Variants in BAALC observed in about 807,000 individuals in gnomAD.
The protein encoded by BAALC is BAALC binder of MAP3K1 and KLF4.
Under a neutral mutation model 15.5 loss-of-function variants are expected in BAALC, and 9 were observed. The ratio of observed to expected loss-of-function variants is 0.58; its 90% CI spans 0.35 to 1.02. The LOEUF (loss-of-function observed/expected upper bound fraction) is 1.02. Ranked by LOEUF, BAALC falls within the 50% of genes least tolerant of loss-of-function variation. The pLI, the probability that BAALC is intolerant of heterozygous loss-of-function variation, is 0.02. For synonymous variants in BAALC, 80 were observed against 74.6 expected (o/e 1.07, Z -0.37); for missense variants, 201 against 192.4 (o/e 1.04, Z -0.27).
At chr8:103,213,256 A>C in intron 2 of BAALC, 171 bp downstream of exon 2, 2 of 660,552 alleles carry the variant, frequency 3.0e-6, no homozygotes, top group Non-Finnish European at 2.4e-6. Flanking sequence ...CCACCCCAAA[A>C]CCCTGCCTTG....
chr8:103,184,060 T>C (rs1811783817), intron 1 of BAALC, among the ~76,000 whole-genome samples: 2 of 152,234 alleles, frequency 1.3e-5, no homozygotes, highest in African/African-American at 4.8e-5. Flanking sequence ...GCAGCCTGCA[T>C]GCCTTTGTTC....
intron 1 of BAALC, among the ~76,000 whole-genome samples, chr8:103,144,558 G>A (rs1810842253): frequency 6.6e-6 from 1 of 152,126 alleles, no homozygotes; most frequent in Non-Finnish European, 1.5e-5. Flanking sequence ...AAGTCTCTGA[G>A]GTTGCCATGA....
At chr8:103,162,883 C>T (rs991020559) in intron 1 of BAALC, among the ~76,000 whole-genome samples, 3 of 152,124 alleles carry the variant, frequency 2.0e-5, no homozygotes, top group African/African-American at 7.2e-5. Flanking sequence ...GCATAGCAAA[C>T]CTTTTGAGCA....
intron 1 of BAALC, among the ~76,000 whole-genome samples, chr8:103,185,574 G>T (rs1811816517): frequency 6.6e-6 from 1 of 152,194 alleles, no homozygotes; most frequent in Non-Finnish European, 1.5e-5. Flanking sequence ...AGACATCAGT[G>T]CTTCAGAGTA....
At chr8:103,220,919 T>A (rs1316403266) in intron 2 of BAALC, among the ~76,000 whole-genome samples, 1 of 152,224 alleles carries the variant, frequency 6.6e-6, no homozygotes, top group Non-Finnish European at 1.5e-5. Flanking sequence ...TGCAAAGAAC[T>A]ATGAAAAGGT....
At chr8:103,203,241 A>G (rs1296420083) in intron 1 of BAALC, among the ~76,000 whole-genome samples, 1 of 152,170 alleles carries the variant, frequency 6.6e-6, no homozygotes, top group Non-Finnish European at 1.5e-5. Context: ...TGGTCTTTCA[A>G]TATCTTCCTA....
rs141708683 is a variant in BAALC, at chr8:103,196,198, G to A, written c.161-16721G>A. On this transcript the variant is annotated intron_variant, in intron 1 of 2. Transcript: ENST00000309982. The stretch of plus-strand genomic sequence containing the variant: ...CAAAGAGCCTTGCAGGGCACATAGG[G>A]ATCGGTATGTCTATCCCTTAGGTCA... Among the ~76,000 whole-genome samples, 261 of 152,304 alleles carry A rather than the reference G, an allele frequency of 1.7e-3. 2 individuals carry two copies. The highest frequency in any genetic ancestry group is 6.1e-3 in the African/African-American group (254 of 41,562).
At chr8:103,213,146 G>A in intron 2 of BAALC, 61 bp downstream of exon 2, 2 of 1,555,084 alleles carry the variant, frequency 1.3e-6, no homozygotes, top group Non-Finnish European at 1.7e-6. Flanking sequence ...CTTGCTTCAG[G>A]GCAGAGCCAC....
At chr8:103,225,393 A>G (rs1812782638) in intron 2 of BAALC, among the ~76,000 whole-genome samples, 1 of 152,250 alleles carries the variant, frequency 6.6e-6, no homozygotes, top group Non-Finnish European at 1.5e-5. Context: ...AATCACCCAT[A>G]AAGTATGATC....
intron 2 of BAALC, among the ~76,000 whole-genome samples, chr8:103,216,560 C>T (rs937091052): frequency 7.2e-5 from 11 of 152,088 alleles, no homozygotes; most frequent in African/African-American, 2.7e-4. Flanking sequence ...CGGTCACTGC[C>T]CTCTGCAGCC....
In BAALC at chr8:103,172,391, CTTTTTTTTTTT is replaced by C. The variant is rs36037103; in HGVS notation, c.160+31347_160+31357del. ...GTAGACTGAATTCTATTCTGGCTTG[CTTTTTTTTTTT>C]TTTTTTTTTTTTGAGACAGAGTCTC... On this transcript the variant is annotated intron_variant, in intron 1 of 2. Coordinates refer to ENST00000309982, the MANE Select transcript of BAALC (RefSeq NM_024812.3). Among the ~76,000 whole-genome samples, 556 of 100,158 alleles carry C rather than the reference CTTTTTTTTTTT, an allele frequency of 5.6e-3. 4 individuals are homozygous for C. The highest frequency in any genetic ancestry group is 0.017 in the African/African-American group (477 of 27,426). 65.7% of individuals were successfully genotyped at this position (100,158 alleles called of 152,430 possible). A position where few individuals can be genotyped will look rare whatever the true frequency, so the allele number is the denominator to read the frequency against.
intron 2 of BAALC, among the ~76,000 whole-genome samples, chr8:103,224,625 A>AT (rs1473894676): frequency 6.6e-6 from 1 of 152,034 alleles, no homozygotes; most frequent in Non-Finnish European, 1.5e-5. Context: ...AATGTTTCTT[A>AT]TCTGACCTAA....
intron 1 of BAALC, among the ~76,000 whole-genome samples, chr8:103,167,234 T>C (rs1183048458): frequency 6.6e-6 from 1 of 152,210 alleles, no homozygotes; most frequent in African/African-American, 2.4e-5. Flanking sequence ...AATGAATGAA[T>C]TTATTTATTC....
chr8:103,143,104 G>C (rs991055444), intron 1 of BAALC, among the ~76,000 whole-genome samples: 2 of 152,178 alleles, frequency 1.3e-5, no homozygotes, highest in Admixed American at 1.3e-4. Context: ...TTCTTTGGGG[G>C]TGTACTGGCA....
At chr8:103,156,086 T>C (rs1000735996) in intron 1 of BAALC, among the ~76,000 whole-genome samples, 4 of 152,244 alleles carry the variant, frequency 2.6e-5, no homozygotes, top group Admixed American at 2.6e-4. Context: ...TGCCCACTCC[T>C]GTCCTAGATG....
rs578114252 is a variant in BAALC, at chr8:103,195,427, G to A, written c.161-17492G>A. Reference sequence around the variant, plus strand: ...AAACCCCTAAATGGCAAATGCAATCGCTCATAACTTCATGAGGAATCTGGA... The same window carrying A: ...AAACCCCTAAATGGCAAATGCAATCACTCATAACTTCATGAGGAATCTGGA... On this transcript the variant is annotated intron_variant, in intron 1 of 2. Coordinates refer to ENST00000309982, the MANE Select transcript of BAALC (RefSeq NM_024812.3). Among the ~76,000 whole-genome samples the A allele has an allele frequency of 4.6e-5, 7 of 152,264 alleles. No individual in the cohort carries two copies. In the East Asian group the frequency reaches 5.8e-4, roughly 13 times the overall value.
intron 1 of BAALC, chr8:103,153,005 A>G (rs1490519874): frequency 6.6e-6 from 1 of 152,224 alleles, no homozygotes; most frequent in African/African-American, 2.4e-5. Context: ...TCAGAAGTGT[A>G]TGATGTAGGT....
At chr8:103,216,392 C>G (rs1413062679) in intron 2 of BAALC, among the ~76,000 whole-genome samples, 2 of 152,102 alleles carry the variant, frequency 1.3e-5, no homozygotes, top group Admixed American at 6.5e-5. Flanking sequence ...TGGTTGAGTT[C>G]CAGTTATGGA....
chr8:103,225,766 G>A (rs1315381514), intron 2 of BAALC, among the ~76,000 whole-genome samples: 1 of 152,098 alleles, frequency 6.6e-6, no homozygotes, highest in Non-Finnish European at 1.5e-5. Context: ...CCAATCAGAT[G>A]AGGGCAATTC....
Sources: allele counts gnomAD v4.1 joint callset (sites outside exome capture counted in the v4.1 genomes callset), GRCh38; gene constraint gnomAD v4.1.1; transcripts MANE v1.5; gene names NCBI Gene and HGNC (gene_info 2026-07-23, HGNC 2026-07-21).